Variants in LHFPL6 observed in about 807,000 individuals in gnomAD.
LHFPL6 encodes LHFPL tetraspan subfamily member 6, also known as LHFPL tetraspan subfamily member 6 protein.
In LHFPL6, 9 loss-of-function variants were observed where a neutral mutation model predicts 20.6. The ratio of observed to expected loss-of-function variants is 0.44; its 90% CI spans 0.26 to 0.76. The LOEUF is 0.76. Ranked by LOEUF, LHFPL6 falls within the 30% of genes least tolerant of loss-of-function variation. The pLI, the probability that LHFPL6 is intolerant of heterozygous loss-of-function variation, is 0.20. For missense variants in LHFPL6, 218 were observed against 253.5 expected, an observed-to-expected ratio of 0.86 and a Z score of 0.95; for synonymous variants, 105 against 98.7, an observed-to-expected ratio of 1.06 and a Z score of -0.38.
intron 2 of LHFPL6, among the ~76,000 whole-genome samples, chr13:39,570,961 C>T (rs922923990): frequency 5.3e-5 from 8 of 152,228 alleles, no homozygotes; most frequent in African/African-American, 1.9e-4. Context: ...ATTCAGTAAG[C>T]GAGAATCCTT....
intron 2 of LHFPL6, among the ~76,000 whole-genome samples, chr13:39,430,049 T>G (rs1382847504): frequency 6.6e-6 from 1 of 152,236 alleles, no homozygotes; most frequent in Non-Finnish European, 1.5e-5. Flanking sequence ...GGCTCAGGGC[T>G]CAGCCCTTGG....
intron 2 of LHFPL6, among the ~76,000 whole-genome samples, chr13:39,519,489 C>CCT (rs1323845187): frequency 6.6e-6 from 1 of 152,082 alleles, no homozygotes; most frequent in Non-Finnish European, 1.5e-5. Flanking sequence ...AGTTTGTCTC[C>CCT]CTCTTCATCT....
chr13:39,494,536 A>G (rs1172521563), intron 2 of LHFPL6, among the ~76,000 whole-genome samples: 4 of 152,172 alleles, frequency 2.6e-5, no homozygotes, highest in Admixed American at 1.3e-4. Context: ...CACCATGCTC[A>G]TAAACTCTGC....
At chr13:39,514,893 C>A (rs577145302) in intron 2 of LHFPL6, among the ~76,000 whole-genome samples, 2 of 152,334 alleles carry the variant, frequency 1.3e-5, no homozygotes, top group Admixed American at 1.3e-4. Flanking sequence ...GGGACTCTAT[C>A]CCCCACGTAA....
intron 2 of LHFPL6, among the ~76,000 whole-genome samples, chr13:39,420,478 G>A (rs1010451857): frequency 2.0e-5 from 3 of 152,104 alleles, no homozygotes; most frequent in African/African-American, 4.8e-5. Context: ...CAACCACACC[G>A]GTTTCCTTAA....
At chr13:39,484,343 C>A (rs149864902) in intron 2 of LHFPL6, among the ~76,000 whole-genome samples, 392 of 152,224 alleles carry the variant, frequency 2.6e-3, no homozygotes, top group African/African-American at 8.6e-3. Context: ...GTCATGCTTG[C>A]CTCAACTTTG....
intron 2 of LHFPL6, among the ~76,000 whole-genome samples, chr13:39,445,647 A>C (rs1470265893): frequency 1.3e-5 from 2 of 152,242 alleles, no homozygotes; most frequent in Non-Finnish European, 2.9e-5. Flanking sequence ...TTTATTTAAC[A>C]ATTCTTTCCA....
At chr13:39,550,600 T>C (rs931608054) in intron 2 of LHFPL6, among the ~76,000 whole-genome samples, 2 of 152,116 alleles carry the variant, frequency 1.3e-5, no homozygotes, top group Admixed American at 1.3e-4. Context: ...ACCATGAAAG[T>C]AGTTCCATTC....
At chr13:39,486,255 T>C (rs749738860) in intron 2 of LHFPL6, among the ~76,000 whole-genome samples, 1 of 152,180 alleles carries the variant, frequency 6.6e-6, no homozygotes, top group African/African-American at 2.4e-5. Flanking sequence ...GTGGAGTACT[T>C]AGTGAGTCTC....
chr13:39,511,339 T>TA (rs995141004), intron 2 of LHFPL6, among the ~76,000 whole-genome samples: 1 of 152,042 alleles, frequency 6.6e-6, no homozygotes, highest in African/African-American at 2.4e-5. Context: ...CATTTTTGGC[T>TA]AAAAAATTGC....
chr13:39,368,558 G>C (rs933386264), intron 3 of LHFPL6, among the ~76,000 whole-genome samples: 6 of 152,158 alleles, frequency 3.9e-5, no homozygotes, highest in Non-Finnish European at 8.8e-5. Context: ...CTCCAGCCTG[G>C]CAACAGAGTG....
chr13:39,553,559 AT>A (rs951186979), intron 2 of LHFPL6, among the ~76,000 whole-genome samples: 2 of 151,994 alleles, frequency 1.3e-5, no homozygotes, highest in Non-Finnish European at 2.9e-5. Flanking sequence ...AAAAAAAAAT[AT>A]TTTTTTTAAT....
chr13:39,350,409 A>G (rs533421074), intron 3 of LHFPL6, among the ~76,000 whole-genome samples: 2 of 152,234 alleles, frequency 1.3e-5, no homozygotes, highest in African/African-American at 4.8e-5. Context: ...CTATGTGCTC[A>G]ATAACAAGAA....
intron 2 of LHFPL6, among the ~76,000 whole-genome samples, chr13:39,589,500 C>T (rs567490017): frequency 3.5e-4 from 53 of 152,202 alleles, no homozygotes; most frequent in African/African-American, 1.3e-3. Context: ...TCCAACCCGA[C>T]GAACCTCTAA....
chr13:39,421,944 T>C (rs1162705265), intron 2 of LHFPL6, among the ~76,000 whole-genome samples: 2 of 152,228 alleles, frequency 1.3e-5, no homozygotes, highest in Non-Finnish European at 2.9e-5. Flanking sequence ...GTTGTCTTAA[T>C]ACTTGGCTAG....
chr13:39,415,478 G>A (rs1431377668), intron 2 of LHFPL6, among the ~76,000 whole-genome samples: 1 of 148,128 alleles, frequency 6.8e-6, no homozygotes, highest in East Asian at 2.0e-4. Flanking sequence ...TGCTGGCAAA[G>A]ACAGCTTGCC....
intron 2 of LHFPL6, among the ~76,000 whole-genome samples, chr13:39,505,417 G>C (rs182344815): frequency 1.3e-5 from 2 of 152,110 alleles, no homozygotes; most frequent in Non-Finnish European, 2.9e-5. Context: ...AGGAGGTTGA[G>C]TGACAAACTA....
intron 2 of LHFPL6, among the ~76,000 whole-genome samples, chr13:39,531,369 C>T (rs544238339): frequency 1.3e-5 from 2 of 152,250 alleles, no homozygotes; most frequent in South Asian, 4.1e-4. Context: ...GCCATGCTTA[C>T]ATTTTGTTAC....
rs747955029 is a variant in LHFPL6 at position 39,589,012 on chromosome 13, A to G, written c.385+11820T>C. Among the ~76,000 whole-genome samples, 4 of 152,360 alleles carry G rather than the reference A, an allele frequency of 2.6e-5. No homozygotes were observed. In the Middle Eastern group the frequency reaches 0.014, roughly 518 times the overall value. ...TAAAAATCTGAGACCCATGGAGGGT[A>G]ATTATTTACTGAAGTGATAAGCAGG... On this transcript the variant is annotated intron_variant, in intron 2 of 3. Coordinates refer to ENST00000379589, the MANE Select transcript of LHFPL6 (RefSeq NM_005780.3).
Sources: gnomAD v4.1 joint callset for allele counts (sites outside exome capture counted in the v4.1 genomes callset) on GRCh38, gnomAD v4.1.1 for gene constraint, MANE v1.5 for transcripts, NCBI Gene and HGNC (gene_info 2026-07-23, HGNC 2026-07-21) for gene names.